CAMK4: variants seen among roughly 807,000 people sequenced by gnomAD.
CAMK4 encodes the protein calcium/calmodulin-dependent protein kinase type IV.
In CAMK4, 22 loss-of-function variants were observed where a neutral mutation model predicts 44.9. The observed-to-expected ratio is 0.49, with a 90% CI of 0.35 to 0.70. The LOEUF is 0.70. CAMK4 is among the 30% of genes least tolerant of loss of function. The probability of loss-of-function intolerance (pLI) is 0.01; values close to 1 mark genes in which losing one functional copy is unlikely to be tolerated. For missense variants in CAMK4, 498 were observed against 586.8 expected, an observed-to-expected ratio of 0.85 and a Z score of 1.56; for synonymous variants, 218 against 215.4, an observed-to-expected ratio of 1.01 and a Z score of -0.11.
chr5:111,234,606 G>A (rs956100356), intron 1 of CAMK4, among the ~76,000 whole-genome samples: 2 of 152,192 alleles, frequency 1.3e-5, no homozygotes, highest in African/African-American at 4.8e-5. Context: ...AAAGTGTTTT[G>A]TGGACAGTAC....
At chr5:111,263,688 T>C (rs1002217367) in intron 1 of CAMK4, among the ~76,000 whole-genome samples, 4 of 152,226 alleles carry the variant, frequency 2.6e-5, no homozygotes, top group Non-Finnish European at 5.9e-5. Context: ...TTGATAGCTG[T>C]ATAACCCTCC....
intron 7 of CAMK4, among the ~76,000 whole-genome samples, chr5:111,455,712 T>A (rs1262780599): frequency 6.6e-6 from 1 of 152,226 alleles, no homozygotes; most frequent in Non-Finnish European, 1.5e-5. Flanking sequence ...TTTGGCCCTG[T>A]TTACCTGATG....
intron 1 of CAMK4, among the ~76,000 whole-genome samples, chr5:111,309,365 A>G (rs554315045): frequency 3.9e-5 from 6 of 152,290 alleles, no homozygotes; most frequent in African/African-American, 1.4e-4. Context: ...AAAGATGTGC[A>G]TTTGTGGTGG....
intron 5 of CAMK4, among the ~76,000 whole-genome samples, chr5:111,437,992 G>A (rs1008732450): frequency 6.6e-6 from 1 of 152,162 alleles, no homozygotes; most frequent in African/African-American, 2.4e-5. Flanking sequence ...CCATCCAGCT[G>A]GAGTACTGCT....
At position 111,355,533 on chromosome 5, in the gene CAMK4, G is replaced by C. The variant is rs933978750; in HGVS notation, c.240+11431G>C. Among the ~76,000 whole-genome samples, 4 of 111,000 alleles carry C rather than the reference G, an allele frequency of 3.6e-5. No homozygotes were observed. In the East Asian group the frequency reaches 7.0e-4, roughly 19 times the overall value. 72.8% of individuals were successfully genotyped at this position (111,000 alleles called of 152,430 possible). A position where few individuals can be genotyped will look rare whatever the true frequency, so the allele number is the denominator to read the frequency against. ...TTATTTTATTATACTTTAAGTTTTA[G>C]GGTACATGTGCACAATGTGCAGGTT... On this transcript the variant is annotated intron_variant, in intron 2 of 10. Coordinates refer to ENST00000282356, the MANE Select transcript of CAMK4 (RefSeq NM_001744.6).
rs1748058318 is a variant in CAMK4 at position 111,224,399 on chromosome 5, G to C, written c.-85G>C. ...GACGCCGCCTCTCTCTCGCTCCTGC[G>C]TTCGCAGGCGGCGGCTGGCGGCCGG... On this transcript the variant is annotated 5_prime_UTR_variant, in exon 1 of 11. Coordinates refer to ENST00000282356, the MANE Select transcript of CAMK4 (RefSeq NM_001744.6). The surrounding 1 kb of genome is among the most constrained non-coding windows in gnomAD (Gnocchi z 5.7). 2.0e-6 allele frequency: 3 copies of C among 1,468,852 alleles called. No individual in the cohort carries two copies. The highest frequency in any genetic ancestry group is 2.9e-5 in the East Asian group (1 of 34,894). 91.0% of individuals were successfully genotyped at this position (1,468,852 alleles called of 1,614,324 possible).
intron 4 of CAMK4, among the ~76,000 whole-genome samples, chr5:111,392,091 G>A (rs890290459): frequency 1.3e-5 from 2 of 152,012 alleles, no homozygotes; most frequent in Non-Finnish European, 2.9e-5. Flanking sequence ...TATTGTATCT[G>A]TATTGTAAGT....
chr5:111,448,005 C>T (rs1754087350), intron 6 of CAMK4, among the ~76,000 whole-genome samples: 1 of 152,178 alleles, frequency 6.6e-6, no homozygotes, highest in African/African-American at 2.4e-5. Context: ...TTCTGAAGGG[C>T]TTCCTGCTGC....
chr5:111,324,316 A>T (rs971865748), intron 1 of CAMK4, among the ~76,000 whole-genome samples: 1 of 152,016 alleles, frequency 6.6e-6, no homozygotes, highest in African/African-American at 2.4e-5. Flanking sequence ...TGCACTTTAA[A>T]TATAAAGACA....
At chr5:111,360,942 A>G (rs1054484459) in intron 2 of CAMK4, among the ~76,000 whole-genome samples, 2 of 152,072 alleles carry the variant, frequency 1.3e-5, no homozygotes, top group Non-Finnish European at 2.9e-5. Flanking sequence ...AACCAAGAGT[A>G]TGATTATATT....
chr5:111,484,162 CAGA>C lies in CAMK4; in HGVS notation c.1121_1123del (p.Glu374del), dbSNP rs1561516132. 4 of 1,614,116 alleles carry C rather than the reference CAGA, an allele frequency of 2.5e-6. No homozygotes were observed. In the South Asian group the frequency reaches 3.3e-5, roughly 13 times the overall value. On this transcript the variant is annotated inframe_deletion, in exon 11 of 11. Transcript: ENST00000282356. This position sits in a 1 kb window ranked among gnomAD's most constrained non-coding sequence, Gnocchi z 5.3. ...GGCAACGAGGACATGAAAGCTATTC[CAGA>C]AGGAGAGAAAATTCAAGGCGATGGG...
intron 5 of CAMK4, among the ~76,000 whole-genome samples, chr5:111,428,127 A>T (rs1045124242): frequency 9.9e-5 from 15 of 152,212 alleles, no homozygotes; most frequent in Non-Finnish European, 2.1e-4. Flanking sequence ...TTTGTCCAAG[A>T]CCATCAAGGA....
intron 1 of CAMK4, among the ~76,000 whole-genome samples, chr5:111,333,496 T>C (rs1232677674): frequency 1.3e-5 from 2 of 151,682 alleles, no homozygotes; most frequent in Non-Finnish European, 1.5e-5. Flanking sequence ...TGAGAACCAA[T>C]ACTCAAGCTA....
At chr5:111,476,607 T>A (rs1439371551) in intron 8 of CAMK4, among the ~76,000 whole-genome samples, 1 of 152,084 alleles carries the variant, frequency 6.6e-6, no homozygotes, top group Non-Finnish European at 1.5e-5. Context: ...TTCTAGCTTG[T>A]CACCACCAGG....
Position 111,493,240 on chromosome 5 carries a change from A to G in CAMK4, c.*8774A>G, listed in dbSNP as rs540118368. The stretch of plus-strand genomic sequence containing the variant: ...CATCTGCTGTGCTTCTAAGCCAAAT[A>G]AAAATCATCAAACACATCGAAGATA... On this transcript the variant is annotated 3_prime_UTR_variant, in exon 11 of 11. Transcript: ENST00000282356. This position sits in a 1 kb window ranked among gnomAD's most constrained non-coding sequence, Gnocchi z 4.1. 3.9e-5 allele frequency: 6 copies of G among 152,188 alleles called. No homozygotes were observed. The highest frequency in any genetic ancestry group is 8.8e-5 in the Non-Finnish European group (6 of 68,048). The allele number at this position is 152,188 out of a possible 1,614,324, so 9.4% of individuals were successfully genotyped here.
chr5:111,310,028 C>T (rs1250823437), intron 1 of CAMK4, among the ~76,000 whole-genome samples: 2 of 152,132 alleles, frequency 1.3e-5, no homozygotes, highest in Non-Finnish European at 2.9e-5. Context: ...CTCTTTTCTA[C>T]AACCTGAGGA....
At chr5:111,455,620 C>A (rs563537319) in intron 7 of CAMK4, among the ~76,000 whole-genome samples, 1 of 152,302 alleles carries the variant, frequency 6.6e-6, no homozygotes, top group South Asian at 2.1e-4. Context: ...AGTATTAAAA[C>A]CACACATATA....
intron 1 of CAMK4, among the ~76,000 whole-genome samples, chr5:111,308,271 A>G (rs1465548447): frequency 6.6e-6 from 1 of 151,768 alleles, no homozygotes; most frequent in East Asian, 1.9e-4. Context: ...AATAAAATAA[A>G]TGTATCAAAA....
At chr5:111,364,377 G>T (rs1399908859) in intron 2 of CAMK4, among the ~76,000 whole-genome samples, 1 of 152,028 alleles carries the variant, frequency 6.6e-6, no homozygotes, top group Non-Finnish European at 1.5e-5. Context: ...TGAGAGTCGG[G>T]CATCAGCCAA....
Sources: gnomAD v4.1 joint callset for allele counts (sites outside exome capture counted in the v4.1 genomes callset) on GRCh38, gnomAD v4.1.1 for gene constraint, Gnocchi (gnomAD v3.1) non-coding constraint, MANE v1.5 for transcripts, NCBI Gene and HGNC (gene_info 2026-07-23, HGNC 2026-07-21) for gene names.